RASSF3: variants seen among roughly 807,000 people sequenced by gnomAD.
The protein encoded by RASSF3 is Ras association domain family member 3.
RASSF3 carries 19 observed loss-of-function variants against 19.9 expected under a neutral mutation model. The observed-to-expected ratio is 0.96, with a 90% confidence interval of 0.67 to 1.40. RASSF3 has a LOEUF of 1.40. RASSF3 is among the 40% of genes most tolerant of loss of function. The probability of loss-of-function intolerance (pLI) is 0.00; values close to 1 mark genes in which losing one functional copy is unlikely to be tolerated. For synonymous variants in RASSF3, 110 were observed against 104.2 expected (o/e 1.06, Z -0.34); for missense variants, 306 against 289.8 (o/e 1.06, Z -0.41).
At chr12:64,614,039 C>T (rs56379182) in intron 1 of RASSF3, among the ~76,000 whole-genome samples, 1 of 151,882 alleles carries the variant, frequency 6.6e-6, no homozygotes, top group Non-Finnish European at 1.5e-5. Context: ...CGCAGGGTCT[C>T]GATCAGTACC....
At chr12:64,605,366 CTT>C (rs77670045) in intron 2 of RASSF3, among the ~76,000 whole-genome samples, 2 of 148,950 alleles carry the variant, frequency 1.3e-5, no homozygotes, top group African/African-American at 2.5e-5. Flanking sequence ...CTATGGGTTG[CTT>C]TTTTTTTTAA....
At chr12:64,579,372 G>T (rs567580854) in intron 2 of RASSF3, among the ~76,000 whole-genome samples, 57 of 142,898 alleles carry the variant, frequency 4.0e-4, no homozygotes, top group African/African-American at 1.5e-3. Context: ...TTTTGAGACG[G>T]AGTCTCTCTC....
intron 2 of RASSF3, among the ~76,000 whole-genome samples, chr12:64,558,753 C>T (rs559874649): frequency 6.6e-6 from 1 of 152,192 alleles, no homozygotes; most frequent in East Asian, 1.9e-4. Context: ...ATGGCAGGCT[C>T]CTTCTCCCTA....
At chr12:64,655,786 G>T (rs939015180) in intron 1 of RASSF3, among the ~76,000 whole-genome samples, 1 of 152,022 alleles carries the variant, frequency 6.6e-6, no homozygotes, top group Non-Finnish European at 1.5e-5. Flanking sequence ...CAGCACTTTG[G>T]GAGGCCGAGG....
intron 1 of RASSF3, among the ~76,000 whole-genome samples, chr12:64,537,995 CTT>C (rs1306662084): frequency 6.2e-5 from 9 of 144,048 alleles, no homozygotes; most frequent in Non-Finnish European, 7.7e-5. Context: ...CTCGCCTCCT[CTT>C]TTTTTTTTTT....
At chr12:64,651,192 T>G (rs976917745) in intron 1 of RASSF3, among the ~76,000 whole-genome samples, 1 of 152,068 alleles carries the variant, frequency 6.6e-6, no homozygotes, top group Non-Finnish European at 1.5e-5. Flanking sequence ...GTGTCCCCTC[T>G]TTTAAAAAAA....
At chr12:64,652,430 TCTTA>T (rs1871994860) in intron 1 of RASSF3, among the ~76,000 whole-genome samples, 1 of 145,130 alleles carries the variant, frequency 6.9e-6, no homozygotes, top group South Asian at 2.5e-4. Flanking sequence ...CCCTCCTCTT[TCTTA>T]CTTAGACTGT....
At chr12:64,629,673 G>T (rs1343210337) in intron 1 of RASSF3, among the ~76,000 whole-genome samples, 2 of 151,894 alleles carry the variant, frequency 1.3e-5, no homozygotes, top group African/African-American at 2.4e-5. Flanking sequence ...GTATAAAAAT[G>T]GTTTATGTGG....
intron 1 of RASSF3, among the ~76,000 whole-genome samples, chr12:64,626,712 C>T (rs1196941604): frequency 2.0e-5 from 3 of 152,038 alleles, no homozygotes; most frequent in Non-Finnish European, 4.4e-5. Flanking sequence ...GAGGTGCATT[C>T]TACCATGCCT....
At chr12:64,512,036 G>GGAA (rs1320209718) in intron 1 of RASSF3, among the ~76,000 whole-genome samples, 11 of 152,142 alleles carry the variant, frequency 7.2e-5, no homozygotes, top group Non-Finnish European at 1.3e-4. Flanking sequence ...CTCACCACAG[G>GGAA]GAAGAAGAGA....
chr12:64,621,675 T>C (rs920857028), intron 1 of RASSF3, among the ~76,000 whole-genome samples: 11 of 152,148 alleles, frequency 7.2e-5, no homozygotes, highest in African/African-American at 2.7e-4. Context: ...ACAGGATTGA[T>C]CAGGCTGGAT....
At chr12:64,508,851 A>C (rs1868308810) in intron 1 of RASSF3, among the ~76,000 whole-genome samples, 1 of 152,072 alleles carries the variant, frequency 6.6e-6, no homozygotes, top group African/African-American at 2.4e-5. Context: ...GTGCGATTGC[A>C]CTCCAGCCTA....
intron 1 of RASSF3, among the ~76,000 whole-genome samples, chr12:64,618,483 T>A (rs1212126473): frequency 6.6e-6 from 1 of 151,996 alleles, no homozygotes; most frequent in Non-Finnish European, 1.5e-5. Context: ...CATGCCACCA[T>A]CCCCGGCTAA....
intron 1 of RASSF3, among the ~76,000 whole-genome samples, chr12:64,637,719 C>A (rs1871370551): frequency 6.6e-6 from 1 of 152,090 alleles, no homozygotes; most frequent in African/African-American, 2.4e-5. Flanking sequence ...CATGAGCCAC[C>A]ATGCCCAGCC....
At chr12:64,547,596 G>A (rs1869089938) in intron 2 of RASSF3, among the ~76,000 whole-genome samples, 2 of 151,870 alleles carry the variant, frequency 1.3e-5, no homozygotes, top group Non-Finnish European at 2.9e-5. Context: ...AGAAGGGAAG[G>A]AAGGACGGAA....
chr12:64,579,826 T>TTTTG (rs67854356), intron 2 of RASSF3, among the ~76,000 whole-genome samples: 4 of 146,106 alleles, frequency 2.7e-5, no homozygotes, highest in African/African-American at 5.3e-5. Flanking sequence ...TTTTTTTTTT[T>TTTTG]AAAGACAGAG....
intron 1 of RASSF3, among the ~76,000 whole-genome samples, chr12:64,668,518 C>T (rs1872596693): frequency 6.6e-6 from 1 of 152,070 alleles, no homozygotes; most frequent in South Asian, 2.1e-4. Flanking sequence ...AGCGATCTGC[C>T]TGACTTAGGC....
chr12:64,567,353 C>T (rs909077185), intron 2 of RASSF3, among the ~76,000 whole-genome samples: 1 of 152,148 alleles, frequency 6.6e-6, no homozygotes, highest in Non-Finnish European at 1.5e-5. Context: ...AATACCATAC[C>T]CATCATCTCC....
intron 2 of RASSF3, among the ~76,000 whole-genome samples, chr12:64,596,169 A>G (rs915379205): frequency 3.9e-5 from 6 of 152,204 alleles, no homozygotes; most frequent in African/African-American, 1.4e-4. Context: ...ATATTTTTAC[A>G]TGGCTCTCTG....
Sources: allele counts gnomAD v4.1 joint callset (sites outside exome capture counted in the v4.1 genomes callset), GRCh38; gene constraint gnomAD v4.1.1; transcripts MANE v1.5; gene names NCBI Gene and HGNC (gene_info 2026-07-23, HGNC 2026-07-21).